Variants in FANK1 observed in about 807,000 individuals in gnomAD.
FANK1 encodes the protein fibronectin type III and ankyrin repeat domains 1, also known as fibronectin type 3 and ankyrin repeat domains protein 1.
Under a neutral mutation model 45.3 loss-of-function variants are expected in FANK1, and 44 were observed. The observed-to-expected ratio is 0.97, with a 90% CI of 0.76 to 1.25. FANK1 has a LOEUF of 1.25. FANK1 is among the 50% of genes most tolerant of loss of function. FANK1 has a pLI of 0.00. For synonymous variants in FANK1, 149 were observed against 152.5 expected, an observed-to-expected ratio of 0.98 and a Z score of 0.17; for missense variants, 391 against 424.4, an observed-to-expected ratio of 0.92 and a Z score of 0.69.
chr10:125,991,322 C>T (rs73370584), intron 3 of FANK1, among the ~76,000 whole-genome samples: 1,550 of 150,742 alleles, frequency 0.01, 26 homozygotes, highest in African/African-American at 0.034. Context: ...TAATAGATAG[C>T]ATCACTGCCT....
chr10:125,945,614 T>C (rs2134158971), intron 1 of FANK1, among the ~76,000 whole-genome samples: 1 of 152,194 alleles, frequency 6.6e-6, no homozygotes, highest in Non-Finnish European at 1.5e-5. Flanking sequence ...CCACGGAATC[T>C]CGCTGACTGC....
chr10:125,947,050 G>A (rs1304713767), intron 1 of FANK1, among the ~76,000 whole-genome samples: 2 of 142,214 alleles, frequency 1.4e-5, no homozygotes, highest in East Asian at 4.3e-4. Context: ...ATACTTTACA[G>A]ACAAGCAAAT....
At chr10:125,995,811 C>T (rs1360510269) in intron 4 of FANK1, among the ~76,000 whole-genome samples, 1 of 152,182 alleles carries the variant, frequency 6.6e-6, no homozygotes, top group South Asian at 2.1e-4. Context: ...GCAAATTTCA[C>T]CCCCAAATGC....
chr10:125,899,596 T>C (rs1589749192), intron 1 of FANK1, among the ~76,000 whole-genome samples: 1 of 152,370 alleles, frequency 6.6e-6, no homozygotes, highest in Non-Finnish European at 1.5e-5. Context: ...AAGGACAAGA[T>C]TAAATGATCT....
chr10:125,898,733 A>T (rs1018479746), intron 1 of FANK1, among the ~76,000 whole-genome samples: 1 of 152,184 alleles, frequency 6.6e-6, no homozygotes, highest in Non-Finnish European at 1.5e-5. Flanking sequence ...TGTATTACTT[A>T]TGTGAACTAT....
At position 126,004,956 on chromosome 10, in the gene FANK1, G is replaced by T. The variant is rs750932246; in HGVS notation, c.612G>T (p.Gln204His). 3.7e-6 allele frequency: 6 copies of T among 1,614,088 alleles called. No individual in the cohort carries two copies. In the African/African-American group the frequency reaches 8.0e-5, roughly 22 times the overall value. The change falls in exon 7 of 11, where the codon CAG becomes CAT. Residue 204 changes from glutamine (Q) to histidine (H), a missense_variant. Transcript: ENST00000368693. ...TCCGAAGACATGGCGCTTCTTGGCA[G>T]GCTAGAGACCTGGGAGGCTGTACAG... ...KYLRRHGASW[Q>H]ARDLGGCTAL...
intron 7 of FANK1, chr10:126,007,310 G>A (rs1410842797): frequency 6.6e-6 from 1 of 152,172 alleles, no homozygotes; most frequent in East Asian, 1.9e-4. Context: ...TGTAAACCAA[G>A]AATAAAAATA....
chr10:125,908,509 C>T (rs1297515732), intron 1 of FANK1, among the ~76,000 whole-genome samples: 1 of 151,976 alleles, frequency 6.6e-6, no homozygotes, highest in East Asian at 1.9e-4. Flanking sequence ...AATGGAAAAC[C>T]GAATATCATA....
rs1201427061 is a variant in FANK1, at chr10:125,980,261, A to G, written c.114A>G (p.Gln38=). 5 of 1,614,196 alleles carry G rather than the reference A, an allele frequency of 3.1e-6. No individual in the cohort carries two copies. Among genetic ancestry groups the G allele is most frequent in the Admixed American group, 3.3e-5 (2 of 60,010 alleles). The stretch of plus-strand genomic sequence containing the variant: ...ATCTGGAAAAGAAAGCCAAACGCCA[A>G]GGACCTCAAGAGCAGTGGTTCAGGT... ...YWDLEKKAKR[Q]GPQEQWFRFS... Residue 38 remains glutamine (Q), a synonymous_variant, in exon 2 of 11, where the codon CAA becomes CAG. Coordinates refer to ENST00000368693, the MANE Select transcript of FANK1 (RefSeq NM_145235.5).
At chr10:125,912,148 G>A (rs1284728226) in intron 1 of FANK1, among the ~76,000 whole-genome samples, 5 of 152,190 alleles carry the variant, frequency 3.3e-5, no homozygotes, top group African/African-American at 1.2e-4. Context: ...CAGCACGTGT[G>A]TGGCCCTGGC....
intron 1 of FANK1, among the ~76,000 whole-genome samples, chr10:125,913,563 C>G (rs1358919441): frequency 1.3e-5 from 2 of 152,174 alleles, no homozygotes; most frequent in Non-Finnish European, 2.9e-5. Context: ...GTCATTGCCA[C>G]CACTACTTCC....
At chr10:125,951,829 T>C (rs1483590168) in intron 1 of FANK1, among the ~76,000 whole-genome samples, 3 of 152,198 alleles carry the variant, frequency 2.0e-5, no homozygotes, top group African/African-American at 4.8e-5. Context: ...AAAATTCATC[T>C]GAAATTGAGA....
At chr10:125,898,070 A>G (rs543766255) in intron 1 of FANK1, among the ~76,000 whole-genome samples, 11 of 143,872 alleles carry the variant, frequency 7.6e-5, no homozygotes, top group Middle Eastern at 3.8e-3. Flanking sequence ...AGTCCTAGCT[A>G]TTTGGGACGC....
At chr10:125,907,064 T>G (rs1432063565) in intron 1 of FANK1, among the ~76,000 whole-genome samples, 2 of 152,240 alleles carry the variant, frequency 1.3e-5, no homozygotes, top group Non-Finnish European at 2.9e-5. Flanking sequence ...ATTAGTGAAA[T>G]GTATGTAAAG....
chr10:125,927,628 C>T (rs2134137614), intron 1 of FANK1, among the ~76,000 whole-genome samples: 1 of 152,162 alleles, frequency 6.6e-6, no homozygotes, highest in Non-Finnish European at 1.5e-5. Context: ...CAGCTCACTG[C>T]AACCTCCACC....
At chr10:125,990,760 C>T (rs1056665591) in intron 3 of FANK1, among the ~76,000 whole-genome samples, 1 of 152,102 alleles carries the variant, frequency 6.6e-6, no homozygotes, top group African/African-American at 2.4e-5. Flanking sequence ...TAAAGACATA[C>T]CTGAGGCTGG....
intron 1 of FANK1, among the ~76,000 whole-genome samples, chr10:125,969,082 G>A (rs948672014): frequency 1.3e-5 from 2 of 152,082 alleles, no homozygotes; most frequent in Admixed American, 1.3e-4. Flanking sequence ...GGTACTTCTT[G>A]TAGTTTTACT....
At chr10:125,988,440 G>A in intron 2 of FANK1, 111 bp from the exon 3 acceptor site, 2 of 1,421,606 alleles carry the variant, frequency 1.4e-6, no homozygotes, top group East Asian at 2.3e-5. Flanking sequence ...TCCATCGGCT[G>A]TGTCCTGGAA....
At chr10:125,970,883 T>G (rs1259044349) in intron 1 of FANK1, among the ~76,000 whole-genome samples, 1 of 152,076 alleles carries the variant, frequency 6.6e-6, no homozygotes, top group Non-Finnish European at 1.5e-5. Context: ...TGAGCTTGAA[T>G]TTTTCAAAAT....
Sources: gnomAD v4.1 joint callset for allele counts (sites outside exome capture counted in the v4.1 genomes callset) on GRCh38, gnomAD v4.1.1 for gene constraint, MANE v1.5 for transcripts, NCBI Gene and HGNC (gene_info 2026-07-23, HGNC 2026-07-21) for gene names.